WDR62: variants seen among roughly 807,000 people sequenced by gnomAD.
WDR62 encodes WD repeat-containing protein 62.
A neutral mutation model predicts 160.6 loss-of-function variants in WDR62; 112 were observed. That is an observed-to-expected ratio of 0.70 (90% CI 0.60 to 0.82). The LOEUF (loss-of-function observed/expected upper bound fraction) is 0.82. WDR62 is among the 40% of genes least tolerant of loss of function. The probability of loss-of-function intolerance (pLI) is 0.00; values close to 1 mark genes in which losing one functional copy is unlikely to be tolerated. For synonymous variants in WDR62, 792 were observed against 815.1 expected, an observed-to-expected ratio of 0.97 and a Z score of 0.48; for missense variants, 1,819 against 1,983.8, an observed-to-expected ratio of 0.92 and a Z score of 1.58.
chr19:36,077,685 C>T (rs533021776), intron 9 of WDR62, among the ~76,000 whole-genome samples: 1 of 152,084 alleles, frequency 6.6e-6, no homozygotes, highest in South Asian at 2.1e-4. Context: ...CAACCTCCAC[C>T]TCCCGAGTTA....
intron 9 of WDR62, among the ~76,000 whole-genome samples, chr19:36,079,488 G>C (rs1409108738): frequency 2.6e-5 from 4 of 152,094 alleles, no homozygotes; most frequent in African/African-American, 9.7e-5. Flanking sequence ...TTCTGTCCCT[G>C]TTGTGATTGG....
intron 25 of WDR62, 30 bp from the exon 26 acceptor site, chr19:36,101,984 C>T (rs753987602): frequency 1.2e-6 from 2 of 1,613,918 alleles, no homozygotes; most frequent in Non-Finnish European, 1.7e-6. Context: ...GGTGTTGGCT[C>T]CTCTTGTCCC....
At position 36,063,396 on chromosome 19, in the gene WDR62, G is replaced by A. The variant is rs375289472; in HGVS notation, c.333-2562G>A. Among the ~76,000 whole-genome samples the A allele has an allele frequency of 9.9e-5, 15 of 152,042 alleles. No individual in the cohort carries two copies. In the East Asian group the frequency reaches 1.9e-3, roughly 20 times the overall value. Reference sequence around the variant, plus strand: ...CCTGAGTAGCTGGGACTACAGGCATGCGCCACCGTGCCTGGCTAATTTTTG... The same window carrying A: ...CCTGAGTAGCTGGGACTACAGGCATACGCCACCGTGCCTGGCTAATTTTTG... On this transcript the variant is annotated intron_variant, in intron 3 of 31. Coordinates refer to ENST00000401500, the MANE Select transcript of WDR62 (RefSeq NM_001083961.2).
Position 36,104,544 on chromosome 19 carries a change from C to G in WDR62, c.4180C>G (p.Pro1394Ala), listed in dbSNP as rs1321813664. 3.1e-6 allele frequency: 5 copies of G among 1,613,536 alleles called. No individual in the cohort carries two copies. Among genetic ancestry groups the G allele is most frequent in the Non-Finnish European group, 1.7e-6 (2 of 1,179,800 alleles). Reference protein sequence around the residue: ...SGALGLLQGSPARWSEPWVPV... With the variant: ...SGALGLLQGSAARWSEPWVPV... ...TGCACTTGGTCTGTTACAGGGCAGC[C>G]CTGCCCGCTGGAGTGAGCCCTGGGT... The change falls in exon 31 of 32, where the codon CCT becomes GCT. Residue 1394 changes from proline to alanine, a missense_variant. By Grantham distance (27) the Pro-to-Ala change is conservative (BLOSUM62 -1). Around this residue, in one of 3 missense-constraint regions of WDR62, gnomAD observed 770 missense variants for 734.2 expected, o/e 1.05. Coordinates refer to ENST00000401500, the MANE Select transcript of WDR62 (RefSeq NM_001083961.2).
intron 3 of WDR62, 36 bp downstream of exon 3, chr19:36,060,066 C>T (rs1225797955): frequency 2.5e-6 from 4 of 1,610,028 alleles, no homozygotes; most frequent in South Asian, 2.2e-5. Context: ...AGGGGTGGAA[C>T]CAGGGGCTTG....
Position 36,084,640 on chromosome 19 carries a change from G to A in WDR62, c.1551-13G>A, listed in dbSNP as rs1972096813. ...GGGGTGTGGGGCTTCAGCGGGCGGT[G>A]TGTGTCTCCCAGGATCCACGAGCTG... On this transcript the variant is annotated splice_polypyrimidine_tract_variant and intron_variant, in intron 11 of 31. Coordinates refer to ENST00000401500, the MANE Select transcript of WDR62 (RefSeq NM_001083961.2). 3 of 1,613,380 alleles carry A rather than the reference G, an allele frequency of 1.9e-6. No individual in the cohort carries two copies. The highest frequency in any genetic ancestry group is 2.2e-5 in the South Asian group (2 of 91,076).
chr19:36,090,621 C>T (rs999263115), intron 16 of WDR62, 101 bp downstream of exon 16: 16 of 1,097,818 alleles, frequency 1.5e-5, no homozygotes, highest in Non-Finnish European at 1.8e-5. Flanking sequence ...CTCAGTGCAC[C>T]GCGCTGCCCA....
intron 1 of WDR62, among the ~76,000 whole-genome samples, chr19:36,058,073 C>T (rs1464953658): frequency 1.3e-5 from 2 of 152,116 alleles, no homozygotes; most frequent in African/African-American, 4.8e-5. Flanking sequence ...ACTAAGAGGC[C>T]GGGCACAGTG....
At chr19:36,068,091 C>T in intron 7 of WDR62, 81 bp downstream of exon 7, 4 of 1,499,266 alleles carry the variant, frequency 2.7e-6, no homozygotes, top group Non-Finnish European at 3.6e-6. Context: ...CAGCATTGAC[C>T]ACACAGGTTC....
At chr19:36,068,674 G>T (rs1971078440) in intron 7 of WDR62, among the ~76,000 whole-genome samples, 2 of 152,342 alleles carry the variant, frequency 1.3e-5, no homozygotes, top group South Asian at 2.1e-4. Context: ...AGGGTTGGGG[G>T]TAAGGTCATA....
intron 3 of WDR62, among the ~76,000 whole-genome samples, 158 bp from the exon 4 acceptor site, chr19:36,065,800 C>T (rs904168879): frequency 3.3e-5 from 5 of 152,204 alleles, no homozygotes; most frequent in Non-Finnish European, 7.3e-5. Context: ...GGCACACCAG[C>T]GGCACTGGCT....
chr19:36,069,902 G>T, intron 7 of WDR62, among the ~76,000 whole-genome samples: 1 of 152,154 alleles, frequency 6.6e-6, no homozygotes, highest in African/African-American at 2.4e-5. Context: ...GCAGGCTGAG[G>T]CAGGAGAATC....
Position 36,099,385 on chromosome 19 carries a change from C to CTT in WDR62, c.2521-14_2521-13insTT. On this transcript the variant is annotated splice_polypyrimidine_tract_variant and intron_variant, in intron 21 of 31. Coordinates refer to ENST00000401500, the MANE Select transcript of WDR62 (RefSeq NM_001083961.2). ...GCACTCAGCCAGTTGCCTGACTGTC[C>CTT]GATATCCTTCAAGCTAGGGGACGAT... 6.2e-7 allele frequency: 1 copy of CTT among 1,611,412 alleles called. No individual in the cohort carries two copies. The highest frequency in any genetic ancestry group is 1.1e-5 in the South Asian group (1 of 90,968).
At chr19:36,076,900 A>G (rs112342788) in intron 9 of WDR62, among the ~76,000 whole-genome samples, 5 of 152,186 alleles carry the variant, frequency 3.3e-5, no homozygotes, top group African/African-American at 7.2e-5. Flanking sequence ...ATTATATACT[A>G]TAGTGTCTCC....
rs750786777 is a variant in WDR62, at chr19:36,066,370, G to A, written c.504G>A (p.Lys168=). 3 of 1,613,566 alleles carry A rather than the reference G, an allele frequency of 1.9e-6. No individual in the cohort carries two copies. The highest frequency in any genetic ancestry group is 1.6e-4 in the Middle Eastern group (1 of 6,062). ...GTGTGGCCTTCTCACCCAATATGAA[G>A]CACATCGTGTCCATGGGCTACCAAC... The part of the protein sequence containing the change: ...VACVAFSPNM[K]HIVSMGYQHD... Residue 168 remains lysine (K), a synonymous_variant, in exon 5 of 32, where the codon AAG becomes AAA. Coordinates refer to ENST00000401500, the MANE Select transcript of WDR62 (RefSeq NM_001083961.2).
At chr19:36,078,388 T>C (rs1387517654) in intron 9 of WDR62, among the ~76,000 whole-genome samples, 1 of 151,652 alleles carries the variant, frequency 6.6e-6, no homozygotes, top group Admixed American at 6.6e-5. Context: ...CCTCAAGTGA[T>C]TTGCCCACCT....
intron 9 of WDR62, 132 bp downstream of exon 9, chr19:36,073,663 G>A (rs759324125): frequency 6.2e-5 from 49 of 788,378 alleles, no homozygotes; most frequent in Middle Eastern, 2.2e-4. Context: ...TGTCCTAGGT[G>A]CTGAGGACAC....
At chr19:36,080,716 A>G (rs185186139) in intron 9 of WDR62, among the ~76,000 whole-genome samples, 130 of 152,174 alleles carry the variant, frequency 8.5e-4, no homozygotes, top group African/African-American at 3.0e-3. Flanking sequence ...CAGCCTCCCA[A>G]AGTGCTGAGA....
In WDR62 at chr19:36,067,401, C is replaced by T. The variant is rs757414069; in HGVS notation, c.657C>T (p.Arg219=). 1 of 1,614,234 alleles carries T rather than the reference C, an allele frequency of 6.2e-7. No individual in the cohort carries two copies. The highest frequency in any genetic ancestry group is 1.7e-5 in the Admixed American group (1 of 60,028). ...GCTATTTTGTCACTGTTGGGAACCG[C>T]CATGTGAGGTTCTGGTTCTTGGAAG... The part of the protein sequence containing the change: ...DSSYFVTVGN[R]HVRFWFLEVS... The change falls in exon 6 of 32, where the codon CGC becomes CGT. Residue 219 remains arginine (R), a synonymous_variant. Transcript: ENST00000401500.
Sources: gnomAD v4.1 joint callset for allele counts (sites outside exome capture counted in the v4.1 genomes callset) on GRCh38, gnomAD v4.1.1 for gene constraint, gnomAD v4.1.1 regional missense constraint, MANE v1.5 for transcripts, NCBI Gene and HGNC (gene_info 2026-07-23, HGNC 2026-07-21) for gene names.